STARD13: variants seen among roughly 807,000 people sequenced by gnomAD.
STARD13 encodes stAR-related lipid transfer protein 13.
In STARD13, 62 loss-of-function variants were observed where a neutral mutation model predicts 106.4. The ratio of observed to expected loss-of-function variants is 0.58; its 90% CI spans 0.48 to 0.72. The LOEUF is 0.72. STARD13 is among the 30% of genes least tolerant of loss of function. The probability of loss-of-function intolerance (pLI) is 0.00; values close to 1 mark genes in which losing one functional copy is unlikely to be tolerated. For synonymous variants in STARD13, 565 were observed against 553.0 expected (o/e 1.02, Z -0.31); for missense variants, 1,387 against 1,424.0 (o/e 0.97, Z 0.42).
Position 33,164,763 on chromosome 13 carries a change from T to C in STARD13, c.323+574A>G, listed in dbSNP as rs114438185. On this transcript the variant is annotated intron_variant, in intron 3 of 13. Coordinates refer to ENST00000336934, the MANE Select transcript of STARD13 (RefSeq NM_178006.4). ...TTAAGGGGAAGAAATTATCCATATA[T>C]ACATCTTTGTCTCCTTACACTATCT... Among the ~76,000 whole-genome samples the C allele has an allele frequency of 1.1e-3, 160 of 152,348 alleles. 2 individuals carry two copies. Among genetic ancestry groups the C allele is most frequent in the African/African-American group, 3.7e-3 (155 of 41,586 alleles).
intron 7 of STARD13, among the ~76,000 whole-genome samples, chr13:33,120,413 C>T (rs193297349): frequency 6.6e-6 from 1 of 152,192 alleles, no homozygotes; most frequent in Admixed American, 6.5e-5. Context: ...TTAGACATGT[C>T]TGCAGCTCTC....
the STARD13 span, among the ~76,000 whole-genome samples, chr13:33,588,648 T>C: frequency 9.8e-4 from 149 of 152,312 alleles, no homozygotes; most frequent in Middle Eastern, 0.01. Flanking sequence ...GAAATGTGGA[T>C]CTTGAGAAGG....
the STARD13 span, among the ~76,000 whole-genome samples, chr13:33,547,499 GAGA>G: frequency 6.6e-6 from 1 of 152,168 alleles, no homozygotes; most frequent in Admixed American, 6.5e-5. Flanking sequence ...ATAGGGCCCT[GAGA>G]AGAAGAGGTA....
At chr13:33,132,328 G>A (rs1481893638) in intron 4 of STARD13, among the ~76,000 whole-genome samples, 1 of 152,160 alleles carries the variant, frequency 6.6e-6, no homozygotes, top group African/African-American at 2.4e-5. Context: ...GAATCGTGGG[G>A]GTGGTTCCCC....
chr13:33,547,070 C>T, the STARD13 span, among the ~76,000 whole-genome samples: 17 of 152,108 alleles, frequency 1.1e-4, no homozygotes, highest in Non-Finnish European at 2.2e-4. Context: ...ATTTATAAGG[C>T]TTTTAAGTAT....
chr13:33,274,057 T>A (rs138774408), intron 1 of STARD13: 3 of 151,008 alleles, frequency 2.0e-5, no homozygotes, highest in Admixed American at 6.6e-5. Context: ...AGCACCATGC[T>A]GGTAAGCAGA....
the STARD13 span, among the ~76,000 whole-genome samples, chr13:33,655,745 T>C: frequency 2.0e-5 from 3 of 152,212 alleles, no homozygotes. Context: ...CATCGATGAA[T>C]GAATTCACAA....
At chr13:33,221,258 C>T (rs1888340561) in intron 1 of STARD13, among the ~76,000 whole-genome samples, 1 of 152,142 alleles carries the variant, frequency 6.6e-6, no homozygotes, top group Non-Finnish European at 1.5e-5. Flanking sequence ...TATTCGCCAG[C>T]CCCTGGAAAC....
chr13:33,516,006 C>G, the STARD13 span, among the ~76,000 whole-genome samples: 1 of 151,802 alleles, frequency 6.6e-6, no homozygotes, highest in Non-Finnish European at 1.5e-5. Flanking sequence ...TAGCCAATGA[C>G]AGTAACCCAG....
intron 1 of STARD13, among the ~76,000 whole-genome samples, chr13:33,308,520 CTTTTTTTTTTTTT>C (rs552526416): frequency 1.5e-4 from 13 of 88,554 alleles, no homozygotes; most frequent in African/African-American, 5.7e-4. Flanking sequence ...CTTTTTCTTT[CTTTTTTTTTTTTT>C]TTTTTTTGAG....
the STARD13 span, among the ~76,000 whole-genome samples, chr13:33,628,421 A>G: frequency 3.9e-5 from 6 of 152,340 alleles, no homozygotes; most frequent in East Asian, 1.9e-4. Context: ...AGGTATGTGT[A>G]CGAGTCAGAA....
At chr13:33,368,863 C>G in the STARD13 span, among the ~76,000 whole-genome samples, 9 of 152,106 alleles carry the variant, frequency 5.9e-5, no homozygotes, top group African/African-American at 2.2e-4. Context: ...CCAGGAAACT[C>G]TTCTGGAAGG....
At chr13:33,537,803 CA>C in the STARD13 span, among the ~76,000 whole-genome samples, 1 of 152,182 alleles carries the variant, frequency 6.6e-6, no homozygotes, top group Non-Finnish European at 1.5e-5. Context: ...ACTGAATTTA[CA>C]GCTACAGCAT....
intron 1 of STARD13, among the ~76,000 whole-genome samples, chr13:33,343,598 C>A (rs71423125): frequency 0.77 from 67,108 of 87,308 alleles, 24,755 homozygotes; most frequent in East Asian, 0.95. Flanking sequence ...AAAAAAAAAA[C>A]AAATCTACAA....
At chr13:33,455,458 A>G in the STARD13 span, among the ~76,000 whole-genome samples, 14,834 of 152,126 alleles carry the variant, frequency 0.098, 826 homozygotes, top group East Asian at 0.14. Context: ...TGAAGGACAG[A>G]AGGGAATAAT....
At chr13:33,204,007 A>G (rs1051840155) in intron 1 of STARD13, among the ~76,000 whole-genome samples, 1 of 152,252 alleles carries the variant, frequency 6.6e-6, no homozygotes, top group African/African-American at 2.4e-5. Context: ...AAGGTTAATC[A>G]TCTTCCTCAA....
chr13:33,567,239 A>G, the STARD13 span, among the ~76,000 whole-genome samples: 6 of 148,708 alleles, frequency 4.0e-5, 1 homozygote. Flanking sequence ...TAGAAATAAC[A>G]AACAAGAAAA....
the STARD13 span, among the ~76,000 whole-genome samples, chr13:33,414,777 A>G: frequency 2.0e-5 from 3 of 152,152 alleles, no homozygotes; most frequent in African/African-American, 7.2e-5. Flanking sequence ...GTTCTGCAAA[A>G]CATTATCAAT....
At chr13:33,364,663 G>C in the STARD13 span, among the ~76,000 whole-genome samples, 1 of 152,246 alleles carries the variant, frequency 6.6e-6, no homozygotes, top group Non-Finnish European at 1.5e-5. Flanking sequence ...GCCGAGGCGG[G>C]TGGATCATGA....
Sources: gnomAD v4.1 joint callset for allele counts (sites outside exome capture counted in the v4.1 genomes callset) on GRCh38, gnomAD v4.1.1 for gene constraint, MANE v1.5 for transcripts, NCBI Gene and HGNC (gene_info 2026-07-23, HGNC 2026-07-21) for gene names.